Variants in PTP4A3 observed in about 807,000 individuals in gnomAD.
The protein encoded by PTP4A3 is protein tyrosine phosphatase type IVA 3.
Under a neutral mutation model 15.2 loss-of-function variants are expected in PTP4A3, and 9 were observed. That is an observed-to-expected ratio of 0.59 (90% CI 0.36 to 1.03). The LOEUF is 1.03. Ranked by LOEUF, PTP4A3 falls within the 50% of genes least tolerant of loss-of-function variation. The pLI, the probability that PTP4A3 is intolerant of heterozygous loss-of-function variation, is 0.02. For synonymous variants in PTP4A3, 95 were observed against 102.0 expected, an observed-to-expected ratio of 0.93 and a Z score of 0.41; for missense variants, 234 against 252.1, an observed-to-expected ratio of 0.93 and a Z score of 0.49.
At chr8:141,422,946 C>G (rs1366316511) in intron 2 of PTP4A3, among the ~76,000 whole-genome samples, 2 of 152,242 alleles carry the variant, frequency 1.3e-5, no homozygotes, top group Non-Finnish European at 2.9e-5. Context: ...CTGGAGCGAC[C>G]TGCATGGCCT....
chr8:141,404,406 GC>G (rs1460497012), intron 1 of PTP4A3, among the ~76,000 whole-genome samples: 1 of 152,206 alleles, frequency 6.6e-6, no homozygotes, highest in Non-Finnish European at 1.5e-5. Context: ...TTGGGGCAGG[GC>G]CCCCCAGCAG....
chr8:141,410,784 C>G (rs925281693), intron 1 of PTP4A3, among the ~76,000 whole-genome samples: 3 of 152,164 alleles, frequency 2.0e-5, no homozygotes, highest in Non-Finnish European at 2.9e-5. Flanking sequence ...AGGAGGGGAA[C>G]CAGGTCACAC....
At chr8:141,418,941 G>A (rs1424492708) in intron 1 of PTP4A3, among the ~76,000 whole-genome samples, 2 of 152,136 alleles carry the variant, frequency 1.3e-5, no homozygotes, top group Non-Finnish European at 2.9e-5. Context: ...GTGGTGCCAG[G>A]GCATCATTGC....
At chr8:141,420,800 C>T (rs1034764468) in intron 1 of PTP4A3, among the ~76,000 whole-genome samples, 8 of 152,198 alleles carry the variant, frequency 5.3e-5, no homozygotes, top group East Asian at 1.9e-4. Flanking sequence ...AAGCAAGAGG[C>T]GATTAGGGTG....
chr8:141,401,882 G>T (rs1000434477), intron 1 of PTP4A3, among the ~76,000 whole-genome samples: 4 of 152,072 alleles, frequency 2.6e-5, no homozygotes, highest in African/African-American at 9.7e-5. Context: ...CCCCTCCCCC[G>T]CTGTGGCCCC....
rs1391581950 is a variant in PTP4A3 at position 141,392,047 on chromosome 8, C to T, written c.-891C>T. On this transcript the variant is annotated 5_prime_UTR_variant, in exon 1 of 6. Coordinates refer to ENST00000521578, the MANE Select transcript of PTP4A3 (RefSeq NM_032611.3). ...TGCGCGAGGGCGCGCGCGTCCCGAG[C>T]CCTCCACCCGTCGTGCCGGCGCCGC... 1 of 146,786 alleles carries T rather than the reference C, an allele frequency of 6.8e-6. No homozygotes were observed. Among genetic ancestry groups the T allele is most frequent in the Non-Finnish European group, 1.5e-5 (1 of 65,926 alleles). 9.1% of individuals were successfully genotyped at this position (146,786 alleles called of 1,614,324 possible). A position where few individuals can be genotyped will look rare whatever the true frequency, so the allele number is the denominator to read the frequency against.
At chr8:141,408,207 G>T (rs193020388) in intron 1 of PTP4A3, among the ~76,000 whole-genome samples, 1 of 152,308 alleles carries the variant, frequency 6.6e-6, no homozygotes, top group East Asian at 1.9e-4. Context: ...GCCAGGGGCT[G>T]GGGGAGGAGG....
chr8:141,412,589 G>T (rs1213060442), intron 1 of PTP4A3, among the ~76,000 whole-genome samples: 1 of 152,208 alleles, frequency 6.6e-6, no homozygotes, highest in African/African-American at 2.4e-5. Context: ...TCCGTGGAGA[G>T]GCCCTGTGGG....
intron 3 of PTP4A3, chr8:141,426,618 C>T (rs759761551): frequency 9.1e-6 from 9 of 985,266 alleles, no homozygotes; most frequent in Middle Eastern, 5.2e-4. Context: ...AACCAGAGCT[C>T]GGGCTGACAG....
intron 2 of PTP4A3, 51 bp downstream of exon 2, chr8:141,422,396 C>T (rs1586561010): frequency 6.2e-7 from 1 of 1,600,128 alleles, no homozygotes; most frequent in Non-Finnish European, 8.6e-7. Flanking sequence ...GTCTGGGAAG[C>T]CCGGCTGAGC....
At chr8:141,400,351 T>G (rs1201655991) in intron 1 of PTP4A3, among the ~76,000 whole-genome samples, 1 of 152,228 alleles carries the variant, frequency 6.6e-6, no homozygotes, top group Non-Finnish European at 1.5e-5. Flanking sequence ...TTGGTGATGT[T>G]CATTATAAAA....
chr8:141,420,493 A>G (rs529920920), intron 1 of PTP4A3, among the ~76,000 whole-genome samples: 5 of 152,224 alleles, frequency 3.3e-5, no homozygotes, highest in Non-Finnish European at 7.4e-5. Flanking sequence ...AGAAAGGGAG[A>G]GAGGCAGGCG....
rs1473557890 is a variant in PTP4A3 at position 141,392,058 on chromosome 8, T to C, written c.-880T>C. 2.0e-5 allele frequency: 3 copies of C among 146,482 alleles called. No individual in the cohort carries two copies. Among genetic ancestry groups the C allele is most frequent in the African/African-American group, 7.4e-5 (3 of 40,742 alleles). 9.1% of individuals were successfully genotyped at this position (146,482 alleles called of 1,614,324 possible). ...GCGCGCGTCCCGAGCCCTCCACCCG[T>C]CGTGCCGGCGCCGCCCGGACCGCCA... On this transcript the variant is annotated 5_prime_UTR_variant, in exon 1 of 6. Coordinates refer to ENST00000521578, the MANE Select transcript of PTP4A3 (RefSeq NM_032611.3).
At chr8:141,422,543 G>A (rs1833384758) in intron 2 of PTP4A3, among the ~76,000 whole-genome samples, 198 bp downstream of exon 2, 1 of 152,184 alleles carries the variant, frequency 6.6e-6, no homozygotes, top group South Asian at 2.1e-4. Context: ...GGGGTTGAGG[G>A]TGTTGGGGGA....
At chr8:141,409,413 C>T (rs977783777) in intron 1 of PTP4A3, among the ~76,000 whole-genome samples, 3 of 152,198 alleles carry the variant, frequency 2.0e-5, no homozygotes, top group African/African-American at 4.8e-5. Context: ...GGATGGGAGC[C>T]TCCATCTGTG....
At chr8:141,426,038 C>T (rs534242774) in intron 3 of PTP4A3, among the ~76,000 whole-genome samples, 1 of 152,352 alleles carries the variant, frequency 6.6e-6, no homozygotes, top group South Asian at 2.1e-4. Context: ...TCCCCTTCCA[C>T]AGCAGCGGGA....
At chr8:141,393,674 C>T (rs1350447981) in intron 1 of PTP4A3, among the ~76,000 whole-genome samples, 4 of 152,234 alleles carry the variant, frequency 2.6e-5, no homozygotes, top group Non-Finnish European at 4.4e-5. Context: ...GCCCTCCTCC[C>T]GGAAGCTTGC....
intron 1 of PTP4A3, among the ~76,000 whole-genome samples, chr8:141,408,517 G>A (rs1832787819): frequency 6.6e-6 from 1 of 152,076 alleles, no homozygotes. Flanking sequence ...TACTTGGGAG[G>A]CTGAGGCAGG....
intron 1 of PTP4A3, among the ~76,000 whole-genome samples, chr8:141,416,278 T>C (rs1317612334): frequency 6.6e-6 from 1 of 151,950 alleles, no homozygotes. Flanking sequence ...AGGGTGGGGA[T>C]AAGCAGGGTC....
Sources: allele counts gnomAD v4.1 joint callset (sites outside exome capture counted in the v4.1 genomes callset), GRCh38; gene constraint gnomAD v4.1.1; transcripts MANE v1.5; gene names NCBI Gene and HGNC (gene_info 2026-07-23, HGNC 2026-07-21).